The following SRPRA variants were observed in gnomAD, a reference collection of about 807,000 sequenced individuals.
SRPRA encodes signal recognition particle receptor subunit alpha.
In SRPRA, 30 loss-of-function variants were observed where a neutral mutation model predicts 61.1. That is an observed-to-expected ratio of 0.49 (90% CI 0.37 to 0.67). The LOEUF (loss-of-function observed/expected upper bound fraction) is 0.67. Among genes scored for constraint, SRPRA ranks in the 30% least tolerant of loss-of-function variants. The probability of loss-of-function intolerance (pLI) is 0.00; values close to 1 mark genes in which losing one functional copy is unlikely to be tolerated. For missense variants in SRPRA, 759 were observed against 828.4 expected (o/e 0.92, Z 1.03); for synonymous variants, 324 against 299.7 (o/e 1.08, Z -0.84).
At chr11:126,247,919 AC>A in the SRPRA span, among the ~76,000 whole-genome samples, 7 of 147,078 alleles carry the variant, frequency 4.8e-5, no homozygotes, top group Admixed American at 4.1e-4. Flanking sequence ...CTATATAGAT[AC>A]GTATATCTAT....
At position 126,265,458 on chromosome 11, in the gene SRPRA, G is replaced by C; in HGVS notation, c.1139-18C>G. 2 of 1,604,962 alleles carry C rather than the reference G, an allele frequency of 1.2e-6. No homozygotes were observed. Among genetic ancestry groups the C allele is most frequent in the Non-Finnish European group, 1.7e-6 (2 of 1,174,984 alleles). The stretch of plus-strand genomic sequence containing the variant: ...AGTCACCGCTGAAAGGGGAGGTGGA[G>C]GAGGTTGCAGCTGTGAAACTCAAGG... On this transcript the variant is annotated intron_variant, in intron 9 of 13. Transcript: ENST00000332118. The surrounding 1 kb of genome is among the most constrained non-coding windows in gnomAD (Gnocchi z 6.3).
downstream of SRPRA, among the ~76,000 whole-genome samples, chr11:126,259,646 C>A (rs1393646797): frequency 6.6e-6 from 1 of 151,236 alleles, no homozygotes; most frequent in African/African-American, 2.4e-5. Context: ...AGGATGGTCT[C>A]GGTCTCCTGA....
At chr11:126,256,505 T>G in the SRPRA span, 3 of 1,519,198 alleles carry the variant, frequency 2.0e-6, no homozygotes, top group Non-Finnish European at 2.7e-6. This position sits in a 1 kb window ranked among gnomAD's most constrained non-coding sequence, Gnocchi z 6.6. Context: ...ATGACCTTCT[T>G]GTTTCAGACT....
the SRPRA span, among the ~76,000 whole-genome samples, chr11:126,236,223 T>C: frequency 6.6e-6 from 1 of 152,234 alleles, no homozygotes; most frequent in Non-Finnish European, 1.5e-5. Context: ...GTGCACGCCT[T>C]TGTTTTCCTG....
chr11:126,265,318 C>G lies in SRPRA; in HGVS notation c.1261G>C (p.Val421Leu), dbSNP rs746851901. The change falls in exon 10 of 14, where the codon GTC (valine) becomes CTC (leucine). Residue 421 changes from valine to leucine, a missense_variant. Transcript: ENST00000332118. This position sits in a 1 kb window ranked among gnomAD's most constrained non-coding sequence, Gnocchi z 6.3. ...DAQRRQRPYV[V>L]TFCGVNGVGK... ...ACTCCATTAACGCCGCAGAAGGTGA[C>G]GACATAAGGGCGCTGGCGACGCTGG... The G allele has an allele frequency of 1.2e-6, 2 of 1,613,750 alleles. No individual in the cohort carries two copies. Among genetic ancestry groups the G allele is most frequent in the Non-Finnish European group, 8.5e-7 (1 of 1,179,932 alleles).
the SRPRA span, among the ~76,000 whole-genome samples, chr11:126,236,110 G>A: frequency 2.9e-3 from 440 of 152,202 alleles, 4 homozygotes; most frequent in African/African-American, 9.7e-3. Flanking sequence ...GTCCTGTTGC[G>A]TTCCTGATAT....
the SRPRA span, among the ~76,000 whole-genome samples, chr11:126,249,559 C>T: frequency 5.9e-5 from 9 of 151,756 alleles, no homozygotes; most frequent in East Asian, 3.9e-4. Flanking sequence ...GGTGAAACCC[C>T]GTCTCTACTA....
the SRPRA span, among the ~76,000 whole-genome samples, chr11:126,237,787 G>A: frequency 6.9e-6 from 1 of 144,922 alleles, no homozygotes; most frequent in South Asian, 2.2e-4. Flanking sequence ...AACCTGGGAG[G>A]CGGAGGTTGC....
chr11:126,262,242 A>G, downstream of SRPRA: 1 of 1,249,254 alleles, frequency 8.0e-7, no homozygotes, highest in Non-Finnish European at 1.2e-6. Context: ...GAAAGTAACA[A>G]TAGCCAGAGG....
chr11:126,253,947 A>C, the SRPRA span, among the ~76,000 whole-genome samples: 1 of 152,342 alleles, frequency 6.6e-6, no homozygotes, highest in Middle Eastern at 3.4e-3. The surrounding 1 kb of genome is among the most constrained non-coding windows in gnomAD (Gnocchi z 5.1). Flanking sequence ...AAGAGGGGCC[A>C]CACAAGGGCC....
Position 126,264,140 on chromosome 11 carries a change from C to G in SRPRA, c.1788+51G>C. The G allele has an allele frequency of 1.2e-6, 2 of 1,611,968 alleles. No homozygotes were observed. Among genetic ancestry groups the G allele is most frequent in the Non-Finnish European group, 1.7e-6 (2 of 1,178,584 alleles). On this transcript the variant is annotated intron_variant, in intron 13 of 13. Transcript: ENST00000332118. This position sits in a 1 kb window ranked among gnomAD's most constrained non-coding sequence, Gnocchi z 5.0. ...GCTGGAGCCAAGATTTCCTTGCAGC[C>G]TCAGCTCCTTTGTGCAGGACGCCCA...
chr11:126,264,897 C>T lies in SRPRA; in HGVS notation c.1525+62G>A. On this transcript the variant is annotated intron_variant, in intron 11 of 13. Transcript: ENST00000332118. The surrounding 1 kb of genome is among the most constrained non-coding windows in gnomAD (Gnocchi z 5.0). ...CACAAGCCTGATCTTCTGCAAATTCCAAGAGAACCCAAGGAGAAAAAGGGA... is the reference window on the plus strand; with the variant it reads ...CACAAGCCTGATCTTCTGCAAATTCTAAGAGAACCCAAGGAGAAAAAGGGA... The T allele has an allele frequency of 6.7e-7, 1 of 1,492,130 alleles. No individual in the cohort carries two copies. The highest frequency in any genetic ancestry group is 9.1e-7 in the Non-Finnish European group (1 of 1,103,804). 92.4% of individuals were successfully genotyped at this position (1,492,130 alleles called of 1,614,324 possible). A position where few individuals can be genotyped will look rare whatever the true frequency, so the allele number is the denominator to read the frequency against.
At chr11:126,254,519 T>A in the SRPRA span, 5 of 1,536,608 alleles carry the variant, frequency 3.3e-6, no homozygotes, top group African/African-American at 4.1e-5. Flanking sequence ...GGGGAACATC[T>A]TCTTTTCATT....
At chr11:126,251,857 T>A in the SRPRA span, among the ~76,000 whole-genome samples, 1 of 152,000 alleles carries the variant, frequency 6.6e-6, no homozygotes. Context: ...TAATTTTGTA[T>A]TTTTGGTAGA....
the SRPRA span, chr11:126,241,160 C>A: frequency 8.9e-7 from 1 of 1,129,826 alleles, no homozygotes; most frequent in Non-Finnish European, 1.3e-6. Flanking sequence ...TATTCATTTA[C>A]AGCTTGTAGG....
downstream of SRPRA, among the ~76,000 whole-genome samples, chr11:126,260,196 CT>C (rs1393362584): frequency 6.6e-6 from 1 of 151,914 alleles, no homozygotes; most frequent in Non-Finnish European, 1.5e-5. Context: ...CAATGCCCAG[CT>C]AATTTTTGTA....
In SRPRA at chr11:126,265,321, CAT is replaced by C; in HGVS notation, c.1256_1257del (p.Tyr419CysfsTer8). The C allele has an allele frequency of 6.2e-7, 1 of 1,613,924 alleles. No homozygotes were observed. The highest frequency in any genetic ancestry group is 8.5e-7 in the Non-Finnish European group (1 of 1,179,976). On this transcript the variant is annotated frameshift_variant, in exon 10 of 14. Coordinates refer to ENST00000332118, the MANE Select transcript of SRPRA (RefSeq NM_003139.4). LOFTEE classifies it high-confidence loss of function. The surrounding 1 kb of genome is among the most constrained non-coding windows in gnomAD (Gnocchi z 6.3). ...CCATTAACGCCGCAGAAGGTGACGACATAAGGGCGCTGGCGACGCTGGGCATC... is the reference window on the plus strand; with the variant it reads ...CCATTAACGCCGCAGAAGGTGACGACAAGGGCGCTGGCGACGCTGGGCATC... ...IMDAQRRQRP[Y>X]VVTFCGVNGV...
At chr11:126,252,614 T>G in the SRPRA span, among the ~76,000 whole-genome samples, 12 of 152,078 alleles carry the variant, frequency 7.9e-5, no homozygotes, top group Non-Finnish European at 1.3e-4. The surrounding 1 kb of genome is among the most constrained non-coding windows in gnomAD (Gnocchi z 4.7). Context: ...ATGGTGGTGT[T>G]TGCCTGTGGT....
chr11:126,268,611 G>A, intron 1 of SRPRA, 77 bp downstream of exon 1: 2 of 1,248,420 alleles, frequency 1.6e-6, no homozygotes, highest in Non-Finnish European at 2.3e-6. Flanking sequence ...GGGAGGAGGC[G>A]CGGAATAGAG....
Sources: gnomAD v4.1 joint callset for allele counts (sites outside exome capture counted in the v4.1 genomes callset) on GRCh38, gnomAD v4.1.1 for gene constraint, Gnocchi (gnomAD v3.1) non-coding constraint, MANE v1.5 for transcripts, NCBI Gene and HGNC (gene_info 2026-07-23, HGNC 2026-07-21) for gene names.